PTPRO: variants seen among roughly 807,000 people sequenced by gnomAD.
PTPRO encodes the protein protein tyrosine phosphatase receptor type O.
In PTPRO, 62 loss-of-function variants were observed where a neutral mutation model predicts 145.2. That is an observed-to-expected ratio of 0.43 (90% CI 0.35 to 0.53). The LOEUF (loss-of-function observed/expected upper bound fraction) is 0.53. Among genes scored for constraint, PTPRO ranks in the 20% least tolerant of loss-of-function variants. The pLI is 0.01. For missense variants in PTPRO, 1,345 were observed against 1,482.7 expected, an observed-to-expected ratio of 0.91 and a Z score of 1.53; for synonymous variants, 565 against 514.7, an observed-to-expected ratio of 1.10 and a Z score of -1.32.
intron 1 of PTPRO, among the ~76,000 whole-genome samples, chr12:15,446,756 TATTA>T (rs1485478738): frequency 1.3e-5 from 2 of 151,028 alleles, no homozygotes; most frequent in African/African-American, 2.4e-5. Context: ...TAGGAAAAGA[TATTA>T]ATTTTTTTAT....
At chr12:15,324,692 T>G (rs1866396734) in intron 1 of PTPRO, among the ~76,000 whole-genome samples, 1 of 152,214 alleles carries the variant, frequency 6.6e-6, no homozygotes, top group South Asian at 2.1e-4. Flanking sequence ...CACCTGAATA[T>G]AAACTATATC....
intron 18 of PTPRO, among the ~76,000 whole-genome samples, chr12:15,566,769 C>T (rs748571778): frequency 6.6e-6 from 1 of 152,188 alleles, no homozygotes; most frequent in African/African-American, 2.4e-5. Context: ...GATCCACCCT[C>T]CTCAGCCTCC....
intron 12 of PTPRO, among the ~76,000 whole-genome samples, chr12:15,543,229 G>A (rs1230946337): frequency 6.6e-6 from 1 of 152,158 alleles, no homozygotes. Flanking sequence ...CACAGGTGCA[G>A]GGACCTTGAA....
At chr12:15,333,605 G>A (rs751174833) in intron 1 of PTPRO, among the ~76,000 whole-genome samples, 16 of 152,230 alleles carry the variant, frequency 1.1e-4, no homozygotes, top group Admixed American at 2.0e-4. Context: ...ACAGGGAGTA[G>A]AGAAGCTGCA....
intron 1 of PTPRO, among the ~76,000 whole-genome samples, chr12:15,343,301 T>A (rs536522239): frequency 5.3e-5 from 8 of 152,242 alleles, no homozygotes; most frequent in Admixed American, 3.9e-4. Context: ...GTGGATGGAA[T>A]ATTAGAAATT....
intron 18 of PTPRO, among the ~76,000 whole-genome samples, chr12:15,567,223 C>T (rs79340721): frequency 0.044 from 6,625 of 152,144 alleles, 458 homozygotes; most frequent in African/African-American, 0.15. Flanking sequence ...CTCTCTCCTT[C>T]TCTAGAAGAC....
At chr12:15,372,199 T>C (rs1938551807) in intron 1 of PTPRO, among the ~76,000 whole-genome samples, 1 of 152,174 alleles carries the variant, frequency 6.6e-6, no homozygotes, top group Non-Finnish European at 1.5e-5. Flanking sequence ...CCCTAATGAA[T>C]CATTTATATA....
chr12:15,393,787 A>G (rs904747662), intron 1 of PTPRO, among the ~76,000 whole-genome samples: 7 of 152,200 alleles, frequency 4.6e-5, no homozygotes, highest in Admixed American at 3.9e-4. Context: ...CTATGACTGA[A>G]TACCTGGGAC....
intron 1 of PTPRO, among the ~76,000 whole-genome samples, chr12:15,386,716 A>G (rs1216912644): frequency 6.6e-6 from 1 of 152,180 alleles, no homozygotes; most frequent in African/African-American, 2.4e-5. Context: ...TCTGTCCCAC[A>G]GCAGATAGCC....
intron 10 of PTPRO, 62 bp downstream of exon 10, chr12:15,520,374 G>T: frequency 3.1e-6 from 4 of 1,293,220 alleles, no homozygotes; most frequent in East Asian, 2.3e-5. Context: ...AGTTACCAAG[G>T]TTCCAAATCT....
intron 12 of PTPRO, among the ~76,000 whole-genome samples, chr12:15,536,915 C>G (rs554261836): frequency 1.3e-5 from 2 of 152,216 alleles, no homozygotes; most frequent in South Asian, 4.2e-4. Flanking sequence ...TTAGGTCAGA[C>G]TGGGAGCCAC....
intron 1 of PTPRO, among the ~76,000 whole-genome samples, chr12:15,367,278 C>G (rs577300549): frequency 1.3e-5 from 2 of 152,282 alleles, no homozygotes; most frequent in Non-Finnish European, 2.9e-5. Context: ...AAGGTACAAA[C>G]AAATCCCCAG....
chr12:15,563,028 A>T (rs1028960279), intron 17 of PTPRO, among the ~76,000 whole-genome samples: 2 of 152,150 alleles, frequency 1.3e-5, no homozygotes, highest in Admixed American at 6.6e-5. Flanking sequence ...ACTATTATAA[A>T]TCTCATGTCC....
At chr12:15,579,034 T>C (rs2135639756) in intron 20 of PTPRO, 91 bp downstream of exon 20, 3 of 1,041,988 alleles carry the variant, frequency 2.9e-6, no homozygotes, top group South Asian at 1.3e-5. Flanking sequence ...TCTCTGGCCA[T>C]ACCCACTTGT....
chr12:15,446,204 T>C (rs537398490), intron 1 of PTPRO, among the ~76,000 whole-genome samples: 72 of 152,252 alleles, frequency 4.7e-4, no homozygotes, highest in Admixed American at 9.2e-4. Context: ...TGGGGGTTTG[T>C]TTTTCAAATT....
intron 1 of PTPRO, among the ~76,000 whole-genome samples, chr12:15,398,895 C>T (rs918995968): frequency 4.6e-5 from 7 of 152,020 alleles, no homozygotes; most frequent in Non-Finnish European, 4.4e-5. Context: ...CTTTAGAGTG[C>T]GGCTCAACAC....
At position 15,569,405 on chromosome 12, in the gene PTPRO, T is replaced by C. The variant is rs1452416875; in HGVS notation, c.2748-12T>C. On this transcript the variant is annotated splice_polypyrimidine_tract_variant and intron_variant, in intron 18 of 26. Coordinates refer to ENST00000281171, the MANE Select transcript of PTPRO (RefSeq NM_030667.3). ...TTTAAAATGTATGTATATTTCTTTG[T>C]GTTTGGCAAAGCCCGGTTCAACTGG... 1.9e-6 allele frequency: 3 copies of C among 1,602,078 alleles called. No individual in the cohort carries two copies. Among genetic ancestry groups the C allele is most frequent in the Non-Finnish European group, 2.6e-6 (3 of 1,169,124 alleles).
intron 1 of PTPRO, among the ~76,000 whole-genome samples, chr12:15,478,083 A>T (rs1027005326): frequency 1.3e-5 from 2 of 152,152 alleles, no homozygotes; most frequent in Admixed American, 1.3e-4. Flanking sequence ...CACACCCACT[A>T]TTGATTCGAC....
At chr12:15,570,893 G>T (rs1371051698) in intron 19 of PTPRO, among the ~76,000 whole-genome samples, 1 of 152,086 alleles carries the variant, frequency 6.6e-6, no homozygotes, top group Non-Finnish European at 1.5e-5. Flanking sequence ...CACAGTTTAT[G>T]TCTTGAAACC....
Sources: allele counts gnomAD v4.1 joint callset (sites outside exome capture counted in the v4.1 genomes callset), GRCh38; gene constraint gnomAD v4.1.1; transcripts MANE v1.5; gene names NCBI Gene and HGNC (gene_info 2026-07-23, HGNC 2026-07-21).